NTRK2: variants seen among roughly 807,000 people sequenced by gnomAD.
NTRK2 encodes the protein neurotrophic receptor tyrosine kinase 2.
Under a neutral mutation model 94.5 loss-of-function variants are expected in NTRK2, and 13 were observed. The ratio of observed to expected loss-of-function variants is 0.14; its 90% confidence interval spans 0.09 to 0.22. The LOEUF (loss-of-function observed/expected upper bound fraction) is 0.22, where lower values mean the gene tolerates loss of function less well. Ranked by LOEUF, NTRK2 falls within the 10% of genes least tolerant of loss-of-function variation. The probability of loss-of-function intolerance (pLI) is 1.00; values close to 1 mark genes in which losing one functional copy is unlikely to be tolerated. For missense variants in NTRK2, 639 were observed against 1,071.2 expected (o/e 0.60, Z 5.63); for synonymous variants, 372 against 407.4 (o/e 0.91, Z 1.05).
At chr9:84,955,217 G>A in intron 16 of NTRK2, 66 bp from the exon 17 acceptor site, 1 of 1,363,868 alleles carries the variant, frequency 7.3e-7, no homozygotes, top group Non-Finnish European at 1.0e-6. Context: ...GGGAGGGGCA[G>A]GGGCAAAGGG....
intron 15 of NTRK2, among the ~76,000 whole-genome samples, chr9:84,945,698 AC>A (rs2078575887): frequency 6.6e-6 from 1 of 152,172 alleles, no homozygotes; most frequent in Non-Finnish European, 1.5e-5. Flanking sequence ...GGGAGCAGAG[AC>A]CCAGACCCCA....
chr9:84,941,350 A>G (rs927793777), intron 15 of NTRK2, among the ~76,000 whole-genome samples: 1 of 152,180 alleles, frequency 6.6e-6, no homozygotes, highest in African/African-American at 2.4e-5. Flanking sequence ...CAGTAATTTC[A>G]ACTTTAGACC....
chr9:85,025,768 T>C lies in NTRK2; in HGVS notation c.*4331T>C. Reference sequence around the variant, plus strand: ...TATATCACTGTTATAGGAAATCTCATGAGAGGAATGGCTAGTGACCCAACT... The same window carrying C: ...TATATCACTGTTATAGGAAATCTCACGAGAGGAATGGCTAGTGACCCAACT... On this transcript the variant is annotated 3_prime_UTR_variant, in exon 19 of 19. Transcript: ENST00000277120. 4.3e-6 allele frequency: 1 copy of C among 233,154 alleles called. No individual in the cohort carries two copies. The highest frequency in any genetic ancestry group is 8.5e-6 in the Non-Finnish European group (1 of 117,950). The allele number at this position is 233,154 out of a possible 1,614,324, so 14.4% of individuals were successfully genotyped here. A position where few individuals can be genotyped will look rare whatever the true frequency, so the allele number is the denominator to read the frequency against.
At chr9:84,879,201 A>G (rs1352894266) in intron 14 of NTRK2, among the ~76,000 whole-genome samples, 2 of 152,202 alleles carry the variant, frequency 1.3e-5, no homozygotes, top group African/African-American at 4.8e-5. Flanking sequence ...AGAGACAGAG[A>G]CAAAGAGAGA....
intron 2 of NTRK2, among the ~76,000 whole-genome samples, chr9:84,686,371 T>C (rs2059714910): frequency 6.6e-6 from 1 of 152,014 alleles, no homozygotes; most frequent in African/African-American, 2.4e-5. Context: ...CAGAGGAAAA[T>C]CCAGGGGAAA....
intron 17 of NTRK2, among the ~76,000 whole-genome samples, chr9:84,958,932 G>A (rs1010827308): frequency 1.3e-5 from 2 of 152,094 alleles, no homozygotes; most frequent in Non-Finnish European, 2.9e-5. Flanking sequence ...TTTTACAGGA[G>A]AACTCCAGTG....
At position 84,872,151 on chromosome 9, in the gene NTRK2, C is replaced by T. The variant is rs201738267; in HGVS notation, c.1633+4720C>T. 73 of 1,234,090 alleles carry T rather than the reference C, an allele frequency of 5.9e-5. 1 individual carries two copies. In the South Asian group the frequency reaches 1.5e-3, roughly 25 times the overall value. The allele number at this position is 1,234,090 out of a possible 1,614,324, so 76.4% of individuals were successfully genotyped here. A position where few individuals can be genotyped will look rare whatever the true frequency, so the allele number is the denominator to read the frequency against. The stretch of plus-strand genomic sequence containing the variant: ...ACTCAACTAGCTCGTTTAGACGTGT[C>T]TGAACACCACATCACCTGACAGCAC... On this transcript the variant is annotated intron_variant, in intron 14 of 18. Coordinates refer to ENST00000277120, the MANE Select transcript of NTRK2 (RefSeq NM_006180.6).
chr9:84,800,828 C>T (rs562815642), intron 12 of NTRK2, among the ~76,000 whole-genome samples: 133 of 152,294 alleles, frequency 8.7e-4, no homozygotes, highest in African/African-American at 2.8e-3. Context: ...GGCCTTCCTC[C>T]AGGAACCTAA....
intron 14 of NTRK2, chr9:84,873,484 T>G: frequency 3.8e-6 from 4 of 1,059,260 alleles, no homozygotes; most frequent in Non-Finnish European, 4.6e-6. Flanking sequence ...TACAATTCCT[T>G]CCCCCTCTCA....
chr9:84,979,077 A>G (rs903734258), intron 17 of NTRK2, among the ~76,000 whole-genome samples: 1 of 152,192 alleles, frequency 6.6e-6, no homozygotes, highest in Non-Finnish European at 1.5e-5. Flanking sequence ...TGTTATTTTC[A>G]TGCCTGCTAA....
chr9:84,941,318 T>A (rs2078400809), intron 15 of NTRK2, among the ~76,000 whole-genome samples: 1 of 152,202 alleles, frequency 6.6e-6, no homozygotes, highest in Non-Finnish European at 1.5e-5. Context: ...ATTATTAAGT[T>A]CCTATATCAA....
chr9:84,976,129 G>A (rs1006727738), intron 17 of NTRK2, among the ~76,000 whole-genome samples: 4 of 152,178 alleles, frequency 2.6e-5, no homozygotes, highest in African/African-American at 4.8e-5. Context: ...CTTAGCTGCC[G>A]TTAACAATAT....
chr9:84,684,987 AT>A lies in NTRK2; in HGVS notation c.212+14037del, dbSNP rs546362315. 2.3e-3 allele frequency among the ~76,000 whole-genome samples: 344 copies of A among 147,740 alleles called. 1 individual carries two copies. The highest frequency in any genetic ancestry group is 7.0e-3 in the African/African-American group (282 of 40,336). The stretch of plus-strand genomic sequence containing the variant: ...ATTAAGTTTTTTTCTAGTAAAGCTT[AT>A]TTTTTTTTTCTATGTTGTAGGTGTG... On this transcript the variant is annotated intron_variant, in intron 2 of 18. Coordinates refer to ENST00000277120, the MANE Select transcript of NTRK2 (RefSeq NM_006180.6).
At position 84,982,638 on chromosome 9, in the gene NTRK2, C is replaced by G; in HGVS notation, c.2172+27121C>G. 1.3e-5 allele frequency among the ~76,000 whole-genome samples: 2 copies of G among 152,214 alleles called. 1 individual carries two copies. Among genetic ancestry groups the G allele is most frequent in the Non-Finnish European group, 2.9e-5 (2 of 68,042 alleles). On this transcript the variant is annotated intron_variant, in intron 17 of 18. Coordinates refer to ENST00000277120, the MANE Select transcript of NTRK2 (RefSeq NM_006180.6). ...TATTTTAGCCCCCTCTCACTTCTTA[C>G]TTACAAACCCAATGCGCAATGACAA...
At chr9:84,870,331 G>GTGTGTGTGTGTGTATATATATATATATA (rs1349303529) in intron 14 of NTRK2, among the ~76,000 whole-genome samples, 1 of 31,182 alleles carries the variant, frequency 3.2e-5, no homozygotes. Context: ...GTGTGTGTGT[G>GTGTGTGTGTGTGTATATATATATATATA]TATATATATA....
At chr9:84,834,291 T>C (rs950324894) in intron 12 of NTRK2, among the ~76,000 whole-genome samples, 4 of 152,198 alleles carry the variant, frequency 2.6e-5, no homozygotes, top group Non-Finnish European at 5.9e-5. Context: ...AAATTTAAAT[T>C]TAGCTGGGAA....
chr9:84,858,148 C>T (rs1251136360), intron 12 of NTRK2, among the ~76,000 whole-genome samples: 6 of 152,100 alleles, frequency 3.9e-5, no homozygotes, highest in African/African-American at 1.4e-4. Context: ...TCCTTTCTTT[C>T]ACCTTCCCCT....
At chr9:84,920,022 C>G (rs1234336820) in intron 14 of NTRK2, among the ~76,000 whole-genome samples, 1 of 152,160 alleles carries the variant, frequency 6.6e-6, no homozygotes, top group African/African-American at 2.4e-5. Flanking sequence ...AAATTGTGGT[C>G]ATTTTCAGTC....
rs996632184 is a variant in NTRK2, at chr9:85,024,496, C to T, written c.*3059C>T. 3.1e-5 allele frequency: 7 copies of T among 227,902 alleles called. No homozygotes were observed. The highest frequency in any genetic ancestry group is 1.9e-4 in the South Asian group (1 of 5,256). The allele number at this position is 227,902 out of a possible 1,614,324, so 14.1% of individuals were successfully genotyped here. A position where few individuals can be genotyped will look rare whatever the true frequency, so the allele number is the denominator to read the frequency against. ...TATTCCTATTTTGTGTAGATGAGGA[C>T]GTTGAGACTCAGAGACATTCAGAGG... On this transcript the variant is annotated 3_prime_UTR_variant, in exon 19 of 19. Transcript: ENST00000277120.
Sources: allele counts gnomAD v4.1 joint callset (sites outside exome capture counted in the v4.1 genomes callset), GRCh38; gene constraint gnomAD v4.1.1; transcripts MANE v1.5; gene names NCBI Gene and HGNC (gene_info 2026-07-23, HGNC 2026-07-21).